Variants in DUOX1 observed in about 807,000 individuals in gnomAD.
DUOX1 encodes the protein dual oxidase 1, also known as NADPH thyroid oxidase 1.
DUOX1 carries 134 observed loss-of-function variants against 181.8 expected under a neutral mutation model. The observed-to-expected ratio is 0.74, with a 90% CI of 0.64 to 0.85. The LOEUF (loss-of-function observed/expected upper bound fraction) is 0.85, where lower values mean the gene tolerates loss of function less well. Ranked by LOEUF, DUOX1 falls within the 40% of genes least tolerant of loss-of-function variation. The pLI is 0.00. For synonymous variants in DUOX1, 798 were observed against 832.5 expected, an observed-to-expected ratio of 0.96 and a Z score of 0.71; for missense variants, 1,814 against 2,064.4, an observed-to-expected ratio of 0.88 and a Z score of 2.35.
At chr15:45,142,789 G>GAAGGAAGGA (rs1896539652) in intron 15 of DUOX1, among the ~76,000 whole-genome samples, 1 of 139,762 alleles carries the variant, frequency 7.2e-6, no homozygotes, top group Non-Finnish European at 1.5e-5. Flanking sequence ...GGAAGGAAGG[G>GAAGGAAGGA]AGGGAGGAAG....
intron 25 of DUOX1, chr15:45,153,112 T>C: frequency 2.4e-6 from 1 of 423,082 alleles, no homozygotes. Flanking sequence ...TCCCAGCTAC[T>C]CAGGAGGCTG....
intron 27 of DUOX1, among the ~76,000 whole-genome samples, chr15:45,154,751 T>C (rs1196512604): frequency 6.6e-6 from 1 of 152,126 alleles, no homozygotes. Flanking sequence ...TCTTAACCTT[T>C]ACTTTTTTAT....
Position 45,143,195 on chromosome 15 carries a change from C to A in DUOX1, c.1828C>A (p.Leu610Met). 1 of 1,614,024 alleles carries A rather than the reference C, an allele frequency of 6.2e-7. No homozygotes were observed. The highest frequency in any genetic ancestry group is 8.5e-7 in the Non-Finnish European group (1 of 1,179,938). Residue 610 changes from leucine to methionine, a missense_variant, in exon 16 of 34, where the codon CTG becomes ATG. Transcript: ENST00000389037. ...GTLCCFPLVS[L>M]LSAWIVARLR... ...CTCTGCCTCTGCCCTCCCAGTGAGC[C>A]TGCTCAGTGCCTGGATTGTTGCCCG... is the stretch of plus-strand genomic sequence containing the variant.
intron 26 of DUOX1, 95 bp from the exon 27 acceptor site, chr15:45,153,856 C>T: frequency 4.2e-6 from 5 of 1,185,900 alleles, no homozygotes; most frequent in Admixed American, 3.6e-5. Context: ...CACTGCACTC[C>T]AGCCTGGGTG....
chr15:45,142,568 A>C (rs1455539434), intron 15 of DUOX1, among the ~76,000 whole-genome samples: 3 of 152,190 alleles, frequency 2.0e-5, no homozygotes, highest in Non-Finnish European at 2.9e-5. Flanking sequence ...TCTCCTAAAA[A>C]TACAAAATTA....
chr15:45,136,415 G>A lies in DUOX1; in HGVS notation c.925+5G>A, dbSNP rs1420641599. 6.2e-7 allele frequency: 1 copy of A among 1,614,078 alleles called. No individual in the cohort carries two copies. The highest frequency in any genetic ancestry group is 8.5e-7 in the Non-Finnish European group (1 of 1,180,048). ...AAACACTCCCGGAGTATACAGGTGA[G>A]GGAGCGGGGAAGGAGGATGGGAGGG... On this transcript the variant is annotated splice_donor_5th_base_variant and intron_variant, in intron 8 of 33. Coordinates refer to ENST00000389037, the MANE Select transcript of DUOX1 (RefSeq NM_175940.3).
At chr15:45,136,851 C>G (rs902208180) in intron 9 of DUOX1, among the ~76,000 whole-genome samples, 5 of 152,086 alleles carry the variant, frequency 3.3e-5, no homozygotes, top group African/African-American at 7.3e-5. Context: ...TACCCTCCCC[C>G]CCACCATTAA....
At position 45,150,652 on chromosome 15, in the gene DUOX1, A is replaced by G. The variant is rs753882601; in HGVS notation, c.2839A>G (p.Ile947Val). ...TGCAGGGGTGGAGGTGCCTGAAGTC[A>G]TCAAGGACCTCTGCCGGCGAGCCTC... ...CVKGVEVPEV[I>V]KDLCRRASYI... Residue 947 changes from isoleucine to valine, a missense_variant, in exon 22 of 34, where the codon ATC (isoleucine) becomes GTC (valine). Transcript: ENST00000389037. 1.9e-5 allele frequency: 31 copies of G among 1,613,886 alleles called. No individual in the cohort carries two copies. The Admixed American group carries it at 5.2e-4, about 27-fold the overall frequency.
At position 45,162,266 on chromosome 15, in the gene DUOX1, G is replaced by A; in HGVS notation, c.4137G>A (p.Lys1379=). Residue 1379 remains lysine, a synonymous_variant, in exon 31 of 34, where the codon AAG becomes AAA. Transcript: ENST00000389037. The part of the protein sequence containing the change: ...PFGEGHQEWH[K]FEVSVLVGGG... ...GAGAGGGCCACCAGGAGTGGCATAA[G>A]TTTGAGGTGTCAGTGTTAGTGGGAG... is the stretch of plus-strand genomic sequence containing the variant. 1 of 1,613,288 alleles carries A rather than the reference G, an allele frequency of 6.2e-7. No individual in the cohort carries two copies. The highest frequency in any genetic ancestry group is 2.2e-5 in the East Asian group (1 of 44,870).
chr15:45,134,539 G>A (rs543852540), intron 4 of DUOX1, among the ~76,000 whole-genome samples: 16 of 152,320 alleles, frequency 1.1e-4, no homozygotes, highest in African/African-American at 3.4e-4. Context: ...GAAAGATGAG[G>A]GGTGGGGTTA....
At position 45,152,291 on chromosome 15, in the gene DUOX1, G is replaced by C. The variant is rs756100472; in HGVS notation, c.3199G>C (p.Ala1067Pro). 9.9e-6 allele frequency: 16 copies of C among 1,613,458 alleles called. No homozygotes were observed. The African/African-American group carries it at 2.0e-4, about 20-fold the overall frequency. The change falls in exon 25 of 34, where the codon GCC (alanine) becomes CCC (proline). Residue 1067 changes from alanine (A) to proline (P), a missense_variant. By Grantham distance (27) the Ala-to-Pro change is conservative. Coordinates refer to ENST00000389037, the MANE Select transcript of DUOX1 (RefSeq NM_175940.3). ...GLFLERAYYY[A>P]FAAHHTGITD... is the part of the protein sequence containing the mutation. ...TGCCTGGGCCCCCTCCACAGACTAC[G>C]CCTTTGCCGCACATCACACGGGCAT... is the stretch of plus-strand genomic sequence containing the variant.
intron 33 of DUOX1, among the ~76,000 whole-genome samples, 164 bp from the exon 34 acceptor site, chr15:45,164,615 T>C (rs1897182703): frequency 6.6e-6 from 1 of 151,864 alleles, no homozygotes; most frequent in African/African-American, 2.4e-5. Flanking sequence ...ACTACAGGAG[T>C]GCACCACTAT....
chr15:45,147,438 G>A lies in DUOX1; in HGVS notation c.2328G>A (p.Leu776=). The change falls in exon 19 of 34, where the codon CTG becomes CTA. Residue 776 remains leucine (L), a synonymous_variant. Coordinates refer to ENST00000389037, the MANE Select transcript of DUOX1 (RefSeq NM_175940.3). The part of the protein sequence containing the change: ...TFFRHLFSQV[L]DINQADAGTL... The stretch of plus-strand genomic sequence containing the variant: ...CTGCTTCTGCCCAAGTGCAGGTGCT[G>A]GACATCAACCAGGCCGACGCAGGGA... 6.2e-7 allele frequency: 1 copy of A among 1,613,296 alleles called. No individual in the cohort carries two copies. Among genetic ancestry groups the A allele is most frequent in the African/African-American group, 1.3e-5 (1 of 75,030 alleles).
intron 21 of DUOX1, among the ~76,000 whole-genome samples, chr15:45,149,688 A>T (rs73406374): frequency 0.036 from 5,494 of 152,206 alleles, 341 homozygotes; most frequent in African/African-American, 0.13. Context: ...ATCTCTATTT[A>T]AAAAAGTACA....
rs1272168343 is a variant in DUOX1, at chr15:45,161,123, G to A, written c.3856+133G>A. ...TGCCTTGGGTGGCAGGGACAAAGGAGCTGGTAGGGGCAAGGCGCAGTGGCT... is the reference window on the plus strand; with the variant it reads ...TGCCTTGGGTGGCAGGGACAAAGGAACTGGTAGGGGCAAGGCGCAGTGGCT... On this transcript the variant is annotated intron_variant, in intron 29 of 33. Transcript: ENST00000389037. 6 of 1,366,082 alleles carry A rather than the reference G, an allele frequency of 4.4e-6. No homozygotes were observed. In the East Asian group the frequency reaches 1.2e-4, roughly 28 times the overall value. 84.6% of individuals were successfully genotyped at this position (1,366,082 alleles called of 1,614,324 possible).
At chr15:45,134,899 G>A (rs1244311910) in intron 4 of DUOX1, among the ~76,000 whole-genome samples, 1 of 152,178 alleles carries the variant, frequency 6.6e-6, no homozygotes, top group Non-Finnish European at 1.5e-5. Context: ...AACTGTCAAC[G>A]ACAACAGCTT....
chr15:45,132,950 T>A (rs1365164579), intron 2 of DUOX1, among the ~76,000 whole-genome samples: 5 of 152,160 alleles, frequency 3.3e-5, no homozygotes, highest in Admixed American at 2.6e-4. Flanking sequence ...CCCTGAGTCA[T>A]TTTCCCCCCT....
At position 45,152,290 on chromosome 15, in the gene DUOX1, C is replaced by T. The variant is rs751566677; in HGVS notation, c.3198C>T (p.Tyr1066=). 23 of 1,613,540 alleles carry T rather than the reference C, an allele frequency of 1.4e-5. No individual in the cohort carries two copies. Among genetic ancestry groups the T allele is most frequent in the Non-Finnish European group, 1.8e-5 (21 of 1,179,698 alleles). ...CTGCCTGGGCCCCCTCCACAGACTA[C>T]GCCTTTGCCGCACATCACACGGGCA... ...GGLFLERAYY[Y]AFAAHHTGIT... Residue 1066 remains tyrosine, a synonymous_variant, in exon 25 of 34, where the codon TAC becomes TAT. Coordinates refer to ENST00000389037, the MANE Select transcript of DUOX1 (RefSeq NM_175940.3).
chr15:45,154,721 C>T (rs117156490), intron 27 of DUOX1, among the ~76,000 whole-genome samples: 1,903 of 151,824 alleles, frequency 0.013, 18 homozygotes, highest in Non-Finnish European at 0.019. Flanking sequence ...TAGGACTTTA[C>T]AGGCTTTGGT....
Sources: allele counts gnomAD v4.1 joint callset (sites outside exome capture counted in the v4.1 genomes callset), GRCh38; gene constraint gnomAD v4.1.1; transcripts MANE v1.5; gene names NCBI Gene and HGNC (gene_info 2026-07-23, HGNC 2026-07-21).